DMRT1: variants seen among roughly 807,000 people sequenced by gnomAD.
DMRT1 encodes the protein doublesex- and mab-3-related transcription factor 1.
In DMRT1, 7 loss-of-function variants were observed where a neutral mutation model predicts 32.3. The ratio of observed to expected loss-of-function variants is 0.22; its 90% CI spans 0.12 to 0.41. The LOEUF is 0.41. Ranked by LOEUF, DMRT1 falls within the 10% of genes least tolerant of loss-of-function variation. The pLI, the probability that DMRT1 is intolerant of heterozygous loss-of-function variation, is 1.00. For synonymous variants in DMRT1, 278 were observed against 206.1 expected, an observed-to-expected ratio of 1.35 and a Z score of -2.99; for missense variants, 625 against 500.5, an observed-to-expected ratio of 1.25 and a Z score of -2.37.
At chr9:967,480 C>T (rs1269444789) in intron 4 of DMRT1, among the ~76,000 whole-genome samples, 1 of 152,118 alleles carries the variant, frequency 6.6e-6, no homozygotes, top group Non-Finnish European at 1.5e-5. Flanking sequence ...CGTCTTTGTC[C>T]TGTTATGCCA....
At chr9:922,882 A>G (rs1268560928) in intron 4 of DMRT1, among the ~76,000 whole-genome samples, 1 of 145,174 alleles carries the variant, frequency 6.9e-6, no homozygotes, top group Non-Finnish European at 1.5e-5. Flanking sequence ...GAGCATCTAC[A>G]TTTTACCCAA....
In DMRT1 at chr9:968,845, T is replaced by A. The variant is rs1820020217; in HGVS notation, c.*706T>A. The A allele has an allele frequency of 1.3e-5, 2 of 152,754 alleles. No individual in the cohort carries two copies. The highest frequency in any genetic ancestry group is 4.1e-4 in the South Asian group (2 of 4,836). The allele number at this position is 152,754 out of a possible 1,614,324, so 9.5% of individuals were successfully genotyped here. A position where few individuals can be genotyped will look rare whatever the true frequency, so the allele number is the denominator to read the frequency against. On this transcript the variant is annotated 3_prime_UTR_variant, in exon 5 of 5. Coordinates refer to ENST00000382276, the MANE Select transcript of DMRT1 (RefSeq NM_021951.3). ...GTTTGTAGAATGAGTTTATCATACA[T>A]TCTTTCTACTACTGGAAAAAAATGG... is the stretch of plus-strand genomic sequence containing the variant.
At chr9:911,052 G>A (rs1169750151) in intron 3 of DMRT1, among the ~76,000 whole-genome samples, 3 of 152,156 alleles carry the variant, frequency 2.0e-5, no homozygotes, top group Non-Finnish European at 4.4e-5. Context: ...CTAGCTGGAG[G>A]TGAGGGACTG....
At chr9:853,782 G>C (rs1203054751) in intron 2 of DMRT1, among the ~76,000 whole-genome samples, 1 of 150,698 alleles carries the variant, frequency 6.6e-6, no homozygotes, top group Non-Finnish European at 1.5e-5. Context: ...TGGGATTACA[G>C]GCATGAGCCA....
At chr9:896,792 G>A (rs553148699) in intron 3 of DMRT1, among the ~76,000 whole-genome samples, 4 of 151,930 alleles carry the variant, frequency 2.6e-5, no homozygotes, top group Non-Finnish European at 5.9e-5. Context: ...CAGCCTGGGC[G>A]ACAGAGTGAG....
At chr9:919,324 AGCTT>A (rs1818282273) in intron 4 of DMRT1, among the ~76,000 whole-genome samples, 1 of 149,452 alleles carries the variant, frequency 6.7e-6, no homozygotes, top group South Asian at 2.1e-4. Context: ...ATTTAAGCTT[AGCTT>A]CTCTGTCATC....
chr9:929,797 A>T (rs10977571), intron 4 of DMRT1, among the ~76,000 whole-genome samples: 3,353 of 152,150 alleles, frequency 0.022, 82 homozygotes, highest in South Asian at 0.072. Context: ...TCCCCCCAGG[A>T]TGTAAACTGA....
At chr9:871,329 C>G (rs1816241188) in intron 2 of DMRT1, among the ~76,000 whole-genome samples, 1 of 149,758 alleles carries the variant, frequency 6.7e-6, no homozygotes, top group Non-Finnish European at 1.5e-5. Flanking sequence ...CCCGGCTGGT[C>G]TTTGAACTCT....
intron 2 of DMRT1, among the ~76,000 whole-genome samples, chr9:881,111 C>A (rs375310130): frequency 2.0e-4 from 30 of 151,850 alleles, no homozygotes; most frequent in African/African-American, 3.4e-4. Context: ...TTCTATAGAC[C>A]CCCCCCACCT....
chr9:892,639 T>C (rs1013758585), intron 2 of DMRT1, among the ~76,000 whole-genome samples: 2 of 152,118 alleles, frequency 1.3e-5, no homozygotes, highest in African/African-American at 4.8e-5. Flanking sequence ...CTGATCTCTC[T>C]CTCCTTCACT....
At chr9:856,089 G>T (rs1454236447) in intron 2 of DMRT1, among the ~76,000 whole-genome samples, 17 of 151,784 alleles carry the variant, frequency 1.1e-4, no homozygotes, top group Admixed American at 1.1e-3. Flanking sequence ...GCTAATTTTT[G>T]TATTTTTAGT....
At chr9:879,165 T>G (rs1257979760) in intron 2 of DMRT1, among the ~76,000 whole-genome samples, 1 of 152,170 alleles carries the variant, frequency 6.6e-6, no homozygotes, top group Non-Finnish European at 1.5e-5. Context: ...CAGGGGCTGT[T>G]AAGATGGAAG....
At chr9:933,282 T>C (rs1818785198) in intron 4 of DMRT1, among the ~76,000 whole-genome samples, 1 of 152,172 alleles carries the variant, frequency 6.6e-6, no homozygotes, top group Non-Finnish European at 1.5e-5. Flanking sequence ...CCTGATGTTA[T>C]CTAACTGCCT....
At chr9:860,530 C>G (rs1371464569) in intron 2 of DMRT1, among the ~76,000 whole-genome samples, 1 of 152,116 alleles carries the variant, frequency 6.6e-6, no homozygotes, top group East Asian at 1.9e-4. Context: ...TGCACTGAGC[C>G]AGATCCTATT....
At chr9:861,950 C>T (rs10815903) in intron 2 of DMRT1, among the ~76,000 whole-genome samples, 71,346 of 138,716 alleles carry the variant, frequency 0.51, 19,782 homozygotes, top group East Asian at 0.63. Context: ...GATGGGCGGG[C>T]GGGCAGAGAC....
At chr9:897,592 C>CA (rs74310825) in intron 3 of DMRT1, among the ~76,000 whole-genome samples, 9,517 of 125,664 alleles carry the variant, frequency 0.076, 622 homozygotes, top group African/African-American at 0.17. Context: ...ACACTGTCTC[C>CA]AAAAAAAAAA....
chr9:905,456 C>T (rs2129702046), intron 3 of DMRT1, among the ~76,000 whole-genome samples: 1 of 144,052 alleles, frequency 6.9e-6, no homozygotes, highest in African/African-American at 2.7e-5. Context: ...ATTTCGCTGT[C>T]TCCTCACTCC....
intron 4 of DMRT1, among the ~76,000 whole-genome samples, chr9:967,506 A>C (rs1819967297): frequency 6.6e-6 from 1 of 152,194 alleles, no homozygotes. Context: ...AATAATAGTA[A>C]AGTTAATATG....
intron 4 of DMRT1, among the ~76,000 whole-genome samples, chr9:949,193 C>G (rs987834708): frequency 1.3e-5 from 2 of 152,046 alleles, no homozygotes; most frequent in Non-Finnish European, 2.9e-5. Context: ...GGCAACAAAG[C>G]CTTTCTCTTC....
Sources: gnomAD v4.1 joint callset for allele counts (sites outside exome capture counted in the v4.1 genomes callset) on GRCh38, gnomAD v4.1.1 for gene constraint, MANE v1.5 for transcripts, NCBI Gene and HGNC (gene_info 2026-07-23, HGNC 2026-07-21) for gene names.